Variants in WDR20 observed in about 807,000 individuals in gnomAD.
WDR20 encodes the protein WD repeat-containing protein 20.
In WDR20, 3 loss-of-function variants were observed where a neutral mutation model predicts 38.7. The ratio of observed to expected loss-of-function variants is 0.08; its 90% CI spans 0.04 to 0.20. WDR20 has a LOEUF of 0.20. Ranked by LOEUF, WDR20 falls within the 10% of genes least tolerant of loss-of-function variation. WDR20 has a pLI of 1.00. For synonymous variants in WDR20, 298 were observed against 285.6 expected, an observed-to-expected ratio of 1.04 and a Z score of -0.44; for missense variants, 559 against 727.7, an observed-to-expected ratio of 0.77 and a Z score of 2.67.
In WDR20 at chr14:102,209,922, T is replaced by C. The variant is rs1393691001; in HGVS notation, c.*42T>C. 3 of 1,537,618 alleles carry C rather than the reference T, an allele frequency of 2.0e-6. No homozygotes were observed. Among genetic ancestry groups the C allele is most frequent in the Non-Finnish European group, 2.6e-6 (3 of 1,146,600 alleles). On this transcript the variant is annotated 3_prime_UTR_variant, in exon 3 of 3. Coordinates refer to ENST00000342702, the MANE Select transcript of WDR20 (RefSeq NM_144574.4). The surrounding 1 kb of genome is among the most constrained non-coding windows in gnomAD (Gnocchi z 6.0). ...GAACTTGAATAGGTAGTGACTTTTT[T>C]CTTTTTCGTGGGAGGGGTGGGGTGT...
At position 102,207,080 on chromosome 14, in the gene WDR20, CTG is replaced by C. The variant is rs2061673329; in HGVS notation, c.433-1519_433-1518del. Among the ~76,000 whole-genome samples, 1 of 152,220 alleles carries C rather than the reference CTG, an allele frequency of 6.6e-6. No homozygotes were observed. The highest frequency in any genetic ancestry group is 2.1e-4 in the South Asian group (1 of 4,832). On this transcript the variant is annotated intron_variant, in intron 2 of 2. Coordinates refer to ENST00000342702, the MANE Select transcript of WDR20 (RefSeq NM_144574.4). The surrounding 1 kb of genome is among the most constrained non-coding windows in gnomAD (Gnocchi z 5.0). ...AGGAGGTGGGGGATGAAAATACTGG[CTG>C]TGTCCCCAAGGCTGGCTTGCCACGT...
chr14:102,194,883 G>A, intron 1 of WDR20, 55 bp from the exon 2 acceptor site: 1 of 1,539,558 alleles, frequency 6.5e-7, no homozygotes, highest in Non-Finnish European at 8.9e-7. Flanking sequence ...GCATAACTTA[G>A]ATTTCTCATC....
intron 1 of WDR20, among the ~76,000 whole-genome samples, chr14:102,163,440 C>T (rs1442874985): frequency 6.6e-6 from 1 of 151,916 alleles, no homozygotes; most frequent in Non-Finnish European, 1.5e-5. Flanking sequence ...CCAGCCTGGC[C>T]AACATGGCGA....
At chr14:102,159,425 C>T (rs116216109) in intron 1 of WDR20, among the ~76,000 whole-genome samples, 2,600 of 152,278 alleles carry the variant, frequency 0.017, 55 homozygotes, top group South Asian at 0.097. Context: ...AATATTGGCC[C>T]CATTTACTGA....
chr14:102,187,417 G>C (rs72698546), intron 1 of WDR20, among the ~76,000 whole-genome samples: 35 of 152,092 alleles, frequency 2.3e-4, no homozygotes, highest in East Asian at 5.8e-4. Context: ...GCTGGGGGGG[G>C]GCTCAGGAGG....
intron 2 of WDR20, among the ~76,000 whole-genome samples, chr14:102,203,302 T>TTA (rs1248205179): frequency 5.3e-5 from 8 of 152,304 alleles, no homozygotes; most frequent in East Asian, 1.9e-4. Flanking sequence ...ATACTGTATT[T>TTA]TATATATATA....
intron 1 of WDR20, among the ~76,000 whole-genome samples, chr14:102,180,063 G>A (rs775215110): frequency 6.6e-6 from 1 of 152,174 alleles, no homozygotes; most frequent in African/African-American, 2.4e-5. Context: ...TGAGGCAGGA[G>A]AATCACTTGA....
In WDR20 at chr14:102,210,282, A is replaced by G; in HGVS notation, c.*402A>G. ...ACTCAATTAGAATATTGTACACCTGATCAATGTGTGTTCAGCACAGATGGC... is the reference window on the plus strand; with the variant it reads ...ACTCAATTAGAATATTGTACACCTGGTCAATGTGTGTTCAGCACAGATGGC... On this transcript the variant is annotated 3_prime_UTR_variant, in exon 3 of 3. Transcript: ENST00000342702. The G allele has an allele frequency of 1.0e-6, 1 of 997,616 alleles. No homozygotes were observed. The highest frequency in any genetic ancestry group is 1.2e-6 in the Non-Finnish European group (1 of 837,090). The allele number at this position is 997,616 out of a possible 1,614,324, so 61.8% of individuals were successfully genotyped here. A position where few individuals can be genotyped will look rare whatever the true frequency, so the allele number is the denominator to read the frequency against.
chr14:102,160,425 G>A (rs955718527), intron 1 of WDR20, among the ~76,000 whole-genome samples: 2 of 151,932 alleles, frequency 1.3e-5, no homozygotes, highest in Non-Finnish European at 2.9e-5. Context: ...GTTGTTACAC[G>A]AATAAGACAA....
In WDR20 at chr14:102,197,017, A is replaced by T. The variant is rs549741791; in HGVS notation, c.432+1897A>T. ...GGGTCACCGGAGGTTTGTTCCTTAG[A>T]GAGTGCCAGGAATGGTGGTGAAGTA... On this transcript the variant is annotated intron_variant, in intron 2 of 2. Coordinates refer to ENST00000342702, the MANE Select transcript of WDR20 (RefSeq NM_144574.4). Among the ~76,000 whole-genome samples the T allele has an allele frequency of 1.1e-4, 17 of 152,270 alleles. No individual in the cohort carries two copies. In the South Asian group the frequency reaches 3.5e-3, roughly 32 times the overall value.
chr14:102,140,343 GGGTGGT>G, intron 1 of WDR20, 171 bp downstream of exon 1: 1 of 1,166,680 alleles, frequency 8.6e-7, no homozygotes, highest in Non-Finnish European at 1.2e-6. Context: ...GGAGTAAGGA[GGGTGGT>G]GGCGGTGGCG....
At position 102,153,543 on chromosome 14, in the gene WDR20, T is replaced by C. The variant is rs569790437; in HGVS notation, c.249+13371T>C. ...GGATGGTCTCGATTTCCTAACCTCA[T>C]GATCTGCCCGCCTCAGCCTCCAAAA... is the stretch of plus-strand genomic sequence containing the variant. On this transcript the variant is annotated intron_variant, in intron 1 of 2. Coordinates refer to ENST00000342702, the MANE Select transcript of WDR20 (RefSeq NM_144574.4). Among the ~76,000 whole-genome samples the C allele has an allele frequency of 7.2e-5, 11 of 152,112 alleles. No individual in the cohort carries two copies. In the East Asian group the frequency reaches 1.7e-3, roughly 24 times the overall value.
chr14:102,140,264 G>A (rs1369322464), intron 1 of WDR20, 92 bp downstream of exon 1: 5 of 1,547,372 alleles, frequency 3.2e-6, no homozygotes. Flanking sequence ...ACCGAGAGGG[G>A]TGGCCGTCGC....
intron 1 of WDR20, among the ~76,000 whole-genome samples, chr14:102,182,217 G>T (rs1489135739): frequency 2.6e-5 from 4 of 152,142 alleles, no homozygotes; most frequent in Non-Finnish European, 5.9e-5. Flanking sequence ...GAACAGATTG[G>T]ATTTCCCAAA....
At chr14:102,140,302 C>CA in intron 1 of WDR20, 130 bp downstream of exon 1, 1 of 1,402,858 alleles carries the variant, frequency 7.1e-7, no homozygotes, top group African/African-American at 1.4e-5. Flanking sequence ...CCGGTAACTC[C>CA]ACTGGGGTAC....
chr14:102,161,120 G>T (rs2058554987), intron 1 of WDR20, among the ~76,000 whole-genome samples: 2 of 18,926 alleles, frequency 1.1e-4, no homozygotes. Context: ...AAGCATAACT[G>T]CATATATATA....
At chr14:102,168,678 T>C (rs988860360) in intron 1 of WDR20, among the ~76,000 whole-genome samples, 18 of 152,184 alleles carry the variant, frequency 1.2e-4, no homozygotes, top group Admixed American at 9.8e-4. Context: ...CATTAGATCA[T>C]TGTAAAAAGT....
intron 1 of WDR20, among the ~76,000 whole-genome samples, chr14:102,151,173 ATTTTT>A (rs534503694): frequency 3.1e-4 from 35 of 111,524 alleles, no homozygotes; most frequent in African/African-American, 1.0e-3. Flanking sequence ...CCATTGGGGA[ATTTTT>A]TTTTTTTTTT....
chr14:102,159,997 G>T (rs1359412166), intron 1 of WDR20, among the ~76,000 whole-genome samples: 1 of 152,104 alleles, frequency 6.6e-6, no homozygotes, highest in African/African-American at 2.4e-5. Context: ...CCTGCTACTT[G>T]GGAGGCTGAG....
Sources: gnomAD v4.1 joint callset for allele counts (sites outside exome capture counted in the v4.1 genomes callset) on GRCh38, gnomAD v4.1.1 for gene constraint, Gnocchi (gnomAD v3.1) non-coding constraint, MANE v1.5 for transcripts, NCBI Gene and HGNC (gene_info 2026-07-23, HGNC 2026-07-21) for gene names.